The following HDAC4 variants were observed in gnomAD, a reference collection of about 807,000 sequenced individuals.
HDAC4 encodes the protein histone deacetylase 4.
HDAC4 carries 16 observed loss-of-function variants against 135.1 expected under a neutral mutation model. That is an observed-to-expected ratio of 0.12 (90% CI 0.08 to 0.18). The LOEUF is 0.18. Ranked by LOEUF, HDAC4 falls within the 10% of genes least tolerant of loss-of-function variation. The pLI, the probability that HDAC4 is intolerant of heterozygous loss-of-function variation, is 1.00. For missense variants in HDAC4, 1,143 were observed against 1,511.8 expected (o/e 0.76, Z 4.05); for synonymous variants, 685 against 653.4 (o/e 1.05, Z -0.74).
chr2:239,228,063 T>C (rs1049025951), intron 3 of HDAC4, among the ~76,000 whole-genome samples: 1 of 152,120 alleles, frequency 6.6e-6, no homozygotes, highest in African/African-American at 2.4e-5. Context: ...GGGACGGTGG[T>C]TGAGCTGCAG....
rs1218807140 is a variant in HDAC4 at position 239,185,613 on chromosome 2, C to T, written c.339+4220G>A. 3.9e-5 allele frequency among the ~76,000 whole-genome samples: 6 copies of T among 152,100 alleles called. No homozygotes were observed. In the East Asian group the frequency reaches 1.2e-3, roughly 29 times the overall value. On this transcript the variant is annotated intron_variant, in intron 4 of 26. Transcript: ENST00000543185. The stretch of plus-strand genomic sequence containing the variant: ...GCTTGGGGTCTCCCACATGCCCCTG[C>T]TCCATCACTCACCAGCCTGGAGCAT...
chr2:239,132,429 G>A (rs1168106725), intron 11 of HDAC4, among the ~76,000 whole-genome samples: 1 of 152,188 alleles, frequency 6.6e-6, no homozygotes, highest in Admixed American at 6.5e-5. Flanking sequence ...GAAGGGGCTT[G>A]CAGGGTTTTG....
At chr2:239,339,957 A>C (rs1305168350) in intron 2 of HDAC4, among the ~76,000 whole-genome samples, 1 of 152,234 alleles carries the variant, frequency 6.6e-6, no homozygotes, top group African/African-American at 2.4e-5. Context: ...TTCCCTCAGC[A>C]GAAGTGCTAG....
intron 1 of HDAC4, among the ~76,000 whole-genome samples, chr2:239,393,547 T>A (rs1696368274): frequency 6.6e-6 from 1 of 152,064 alleles, no homozygotes; most frequent in Admixed American, 6.5e-5. Context: ...AATGCCCTTT[T>A]CACAATGCAG....
At chr2:239,192,097 T>G (rs553526016) in intron 3 of HDAC4, among the ~76,000 whole-genome samples, 1 of 152,342 alleles carries the variant, frequency 6.6e-6, no homozygotes, top group South Asian at 2.1e-4. Flanking sequence ...TCATTTGCTA[T>G]TATGTGAGAA....
intron 1 of HDAC4, among the ~76,000 whole-genome samples, chr2:239,370,108 C>T (rs1214178783): frequency 1.3e-5 from 2 of 152,224 alleles, no homozygotes; most frequent in Non-Finnish European, 2.9e-5. Context: ...CCTGTGTCCC[C>T]GGGACTGGCA....
intron 2 of HDAC4, among the ~76,000 whole-genome samples, chr2:239,261,307 C>A (rs1027096064): frequency 1.3e-5 from 2 of 152,158 alleles, no homozygotes; most frequent in African/African-American, 4.8e-5. Context: ...CCAGGTAACA[C>A]GCTAGAGATG....
At position 239,280,700 on chromosome 2, in the gene HDAC4, A is replaced by G. The variant is rs562834680; in HGVS notation, c.23-44036T>C. 3.1e-4 allele frequency among the ~76,000 whole-genome samples: 47 copies of G among 152,226 alleles called. No homozygotes were observed. In the East Asian group the frequency reaches 8.7e-3, roughly 28 times the overall value. On this transcript the variant is annotated intron_variant, in intron 2 of 26. Coordinates refer to ENST00000543185, the MANE Select transcript of HDAC4 (RefSeq NM_001378414.1). ...TGGAACTGTCTGCTGTTAACAGGGG[A>G]TGGCAAACTCCATCCAAGTCTTGTC...
At position 239,102,856 on chromosome 2, in the gene HDAC4, G is replaced by A. The variant is rs573896756; in HGVS notation, c.2153C>T (p.Thr718Met). 2.0e-5 allele frequency: 32 copies of A among 1,613,974 alleles called. No homozygotes were observed. The highest frequency in any genetic ancestry group is 9.3e-5 in the African/African-American group (7 of 75,046). Residue 718 changes from threonine (T) to methionine (M), a missense_variant, in exon 16 of 27, where the codon ACG becomes ATG. Thr to Met is a moderately conservative substitution (Grantham distance 81). Around this residue, in one of 9 missense-constraint regions of HDAC4, gnomAD observed 47 missense variants for 117.2 expected, o/e 0.40. Coordinates refer to ENST00000543185, the MANE Select transcript of HDAC4 (RefSeq NM_001378414.1). ...GRKATLEELQ[T>M]VHSEAHTLLY... ...GAGGGTGTGGGCTTCCGAGTGCACC[G>A]TCTGTAGCTCCTCCAGGGTGGCCTT...
Position 239,400,852 on chromosome 2 carries a change from G to GGGCGGC in HDAC4, c.-220+120_-220+125dup, listed in dbSNP as rs889855385. The GGGCGGC allele has an allele frequency of 8.9e-5, 13 of 145,380 alleles. No individual in the cohort carries two copies. Among genetic ancestry groups the GGGCGGC allele is most frequent in the East Asian group, 4.0e-4 (2 of 4,956 alleles). The allele number at this position is 145,380 out of a possible 1,614,324, so 9.0% of individuals were successfully genotyped here. A position where few individuals can be genotyped will look rare whatever the true frequency, so the allele number is the denominator to read the frequency against. ...GGGGGCCCAGGCTGGGAGGCTGTTC[G>GGGCGGC]GGCGGCGGCGGCGGCGGCGCGGGCG... On this transcript the variant is annotated intron_variant, in intron 1 of 26. Coordinates refer to ENST00000543185, the MANE Select transcript of HDAC4 (RefSeq NM_001378414.1). This position sits in a 1 kb window ranked among gnomAD's most constrained non-coding sequence, Gnocchi z 4.7.
intron 3 of HDAC4, among the ~76,000 whole-genome samples, chr2:239,235,545 G>T (rs1367833707): frequency 1.3e-5 from 2 of 152,216 alleles, no homozygotes; most frequent in Non-Finnish European, 2.9e-5. Flanking sequence ...GGACGCATGT[G>T]GAACGGAACA....
chr2:239,186,192 C>G, intron 4 of HDAC4, among the ~76,000 whole-genome samples: 1 of 151,994 alleles, frequency 6.6e-6, no homozygotes, highest in East Asian at 1.9e-4. Context: ...AAGGGGACCA[C>G]GAGCATTAAA....
chr2:239,298,863 ATTTTTTTTTTT>A (rs35449811), intron 2 of HDAC4, among the ~76,000 whole-genome samples: 4 of 82,980 alleles, frequency 4.8e-5, no homozygotes, highest in Non-Finnish European at 8.7e-5. Flanking sequence ...GCCATAGCCT[ATTTTTTTTTTT>A]TTTTTTTTTT....
chr2:239,281,733 C>T lies in HDAC4; in HGVS notation c.23-45069G>A, dbSNP rs1301582766. 4.6e-5 allele frequency among the ~76,000 whole-genome samples: 7 copies of T among 151,052 alleles called. No individual in the cohort carries two copies. The South Asian group carries it at 1.3e-3, about 27-fold the overall frequency. On this transcript the variant is annotated intron_variant, in intron 2 of 26. Coordinates refer to ENST00000543185, the MANE Select transcript of HDAC4 (RefSeq NM_001378414.1). ...ACCCCACTCTACAATGAACACACCA[C>T]TCTACACACAATGTACACGCCACTC...
chr2:239,226,044 G>A (rs1016895953), intron 3 of HDAC4, among the ~76,000 whole-genome samples: 7 of 152,148 alleles, frequency 4.6e-5, no homozygotes, highest in South Asian at 2.1e-4. Context: ...GACAAGGGTC[G>A]GCAAAGAGCC....
chr2:239,135,534 G>C (rs990543997), intron 9 of HDAC4, among the ~76,000 whole-genome samples: 2 of 152,210 alleles, frequency 1.3e-5, no homozygotes, highest in Non-Finnish European at 2.9e-5. Context: ...CTAGAGGAAC[G>C]GCGAACACTG....
intron 25 of HDAC4, 106 bp downstream of exon 25, chr2:239,054,643 C>A (rs1344668859): frequency 3.8e-6 from 3 of 791,780 alleles, no homozygotes; most frequent in African/African-American, 3.4e-5. Context: ...AAGCAGCCGG[C>A]AGTGGGATGG....
intron 3 of HDAC4, among the ~76,000 whole-genome samples, chr2:239,225,814 C>A (rs2047210376): frequency 6.6e-6 from 1 of 152,234 alleles, no homozygotes; most frequent in Non-Finnish European, 1.5e-5. Context: ...CCCCTCGGAG[C>A]CCCTCATTGG....
chr2:239,269,417 T>A (rs977902188), intron 2 of HDAC4, among the ~76,000 whole-genome samples: 6 of 152,130 alleles, frequency 3.9e-5, no homozygotes, highest in Non-Finnish European at 7.4e-5. Context: ...CAAGGAAGGG[T>A]GGGGTCTGAC....
Sources: allele counts gnomAD v4.1 joint callset (sites outside exome capture counted in the v4.1 genomes callset), GRCh38; gene constraint gnomAD v4.1.1; regional missense constraint gnomAD v4.1.1; non-coding constraint Gnocchi (gnomAD v3.1); transcripts MANE v1.5; gene names NCBI Gene and HGNC (gene_info 2026-07-23, HGNC 2026-07-21).